AFF3: variants seen among roughly 807,000 people sequenced by gnomAD.
The protein encoded by AFF3 is AF4/FMR2 family member 3.
AFF3 carries 32 observed loss-of-function variants against 129.7 expected under a neutral mutation model. The observed-to-expected ratio is 0.25, with a 90% CI of 0.19 to 0.33. The LOEUF is 0.33. Ranked by LOEUF, AFF3 falls within the 10% of genes least tolerant of loss-of-function variation. The pLI is 1.00. For synonymous variants in AFF3, 644 were observed against 635.4 expected (o/e 1.01, Z -0.20); for missense variants, 1,373 against 1,592.0 (o/e 0.86, Z 2.34).
intron 11 of AFF3, among the ~76,000 whole-genome samples, chr2:99,690,434 GC>G (rs1405514766): frequency 2.6e-5 from 4 of 151,970 alleles, no homozygotes; most frequent in Non-Finnish European, 4.4e-5. Flanking sequence ...GCCCGCCTCG[GC>G]CTCCCAAAGT....
chr2:99,750,561 G>C (rs1369928080), intron 9 of AFF3, among the ~76,000 whole-genome samples: 1 of 151,928 alleles, frequency 6.6e-6, no homozygotes, highest in African/African-American at 2.4e-5. Flanking sequence ...GGGACTACAG[G>C]TGTGCCACCA....
chr2:99,669,994 G>A (rs1357004222), intron 12 of AFF3, among the ~76,000 whole-genome samples: 1 of 152,106 alleles, frequency 6.6e-6, no homozygotes, highest in East Asian at 1.9e-4. Context: ...GAAGATGATG[G>A]GTGACCTCAA....
At chr2:99,776,024 A>G (rs1683876688) in intron 8 of AFF3, among the ~76,000 whole-genome samples, 1 of 152,202 alleles carries the variant, frequency 6.6e-6, no homozygotes, top group South Asian at 2.1e-4. Context: ...CCAAGCTTCT[A>G]CAGTAGAACG....
intron 7 of AFF3, among the ~76,000 whole-genome samples, chr2:99,884,827 G>C (rs1033206927): frequency 1.3e-5 from 2 of 152,172 alleles, no homozygotes; most frequent in African/African-American, 4.8e-5. Context: ...ACACATTCTG[G>C]TGAGGGGGTG....
chr2:99,599,529 T>C (rs1679613961), intron 14 of AFF3, among the ~76,000 whole-genome samples: 1 of 152,200 alleles, frequency 6.6e-6, no homozygotes, highest in Non-Finnish European at 1.5e-5. Flanking sequence ...GTGCTGGGAT[T>C]ACAGGCATGA....
At chr2:100,048,265 T>C (rs192834863) in intron 4 of AFF3, among the ~76,000 whole-genome samples, 4 of 152,222 alleles carry the variant, frequency 2.6e-5, no homozygotes, top group African/African-American at 4.8e-5. Context: ...ATGTTAATTA[T>C]AGAGAATTTG....
intron 7 of AFF3, among the ~76,000 whole-genome samples, chr2:99,932,583 T>A (rs1322091903): frequency 1.3e-5 from 2 of 152,294 alleles, no homozygotes; most frequent in Non-Finnish European, 2.9e-5. Flanking sequence ...AGTGCTGACG[T>A]CCTTCGCTCA....
chr2:100,011,070 C>G (rs1382290146), intron 4 of AFF3, among the ~76,000 whole-genome samples: 1 of 152,090 alleles, frequency 6.6e-6, no homozygotes, highest in East Asian at 1.9e-4. Flanking sequence ...GTCAGGAGAT[C>G]GAGGCCATCC....
At chr2:99,629,888 C>T (rs1001686720) in intron 13 of AFF3, among the ~76,000 whole-genome samples, 1 of 152,130 alleles carries the variant, frequency 6.6e-6, no homozygotes, top group Non-Finnish European at 1.5e-5. Flanking sequence ...CTAATCACCC[C>T]CACCAAAGGC....
At chr2:100,047,034 C>T (rs1202154313) in intron 4 of AFF3, among the ~76,000 whole-genome samples, 1 of 151,918 alleles carries the variant, frequency 6.6e-6, no homozygotes, top group Non-Finnish European at 1.5e-5. Context: ...CTACACTTTC[C>T]ACTGTAACAG....
rs185340956 is a variant in AFF3 at position 99,752,076 on chromosome 2, C to T, written c.1002+145G>A. ...CCCCTTTCATAAATGAATAAGTATG[C>T]GCTTGCAAATTGTGAAGGATCAGAT... On this transcript the variant is annotated intron_variant, in intron 9 of 24. Coordinates refer to ENST00000672756, the MANE Select transcript of AFF3 (RefSeq NM_001386135.1). 248 of 659,836 alleles carry T rather than the reference C, an allele frequency of 3.8e-4. 3 individuals carry two copies. Among genetic ancestry groups the T allele is most frequent in the African/African-American group, 3.1e-3 (170 of 55,314 alleles). The allele number at this position is 659,836 out of a possible 1,614,324, so 40.9% of individuals were successfully genotyped here.
chr2:99,730,641 A>G (rs994319140), intron 10 of AFF3, among the ~76,000 whole-genome samples: 1 of 151,212 alleles, frequency 6.6e-6, no homozygotes, highest in African/African-American at 2.4e-5. Flanking sequence ...CAGCCTCCCG[A>G]GTAGCTGGGA....
At chr2:99,930,537 C>T (rs1696597397) in intron 7 of AFF3, among the ~76,000 whole-genome samples, 3 of 152,138 alleles carry the variant, frequency 2.0e-5, no homozygotes, top group Non-Finnish European at 1.5e-5. Flanking sequence ...CTTTCTTTTT[C>T]TCTCTCTCCT....
At chr2:99,697,632 T>A (rs935756237) in intron 11 of AFF3, among the ~76,000 whole-genome samples, 3 of 152,218 alleles carry the variant, frequency 2.0e-5, no homozygotes, top group African/African-American at 7.2e-5. Flanking sequence ...GGAAAATAGA[T>A]CCTGGTAAGG....
At chr2:100,038,175 A>T (rs901405622) in intron 4 of AFF3, among the ~76,000 whole-genome samples, 3 of 152,034 alleles carry the variant, frequency 2.0e-5, no homozygotes, top group Non-Finnish European at 2.9e-5. Context: ...AAGGATCTGC[A>T]GGAGACGCCC....
intron 4 of AFF3, among the ~76,000 whole-genome samples, chr2:100,022,173 C>T (rs1359419560): frequency 6.6e-6 from 1 of 152,122 alleles, no homozygotes; most frequent in Non-Finnish European, 1.5e-5. Context: ...AGGGGTCTTC[C>T]TATAGCTGTG....
At chr2:99,958,370 G>GT (rs1198585921) in intron 7 of AFF3, among the ~76,000 whole-genome samples, 2 of 151,684 alleles carry the variant, frequency 1.3e-5, no homozygotes, top group African/African-American at 4.8e-5. Flanking sequence ...GCACACACCT[G>GT]TAATTTCAGC....
intron 4 of AFF3, among the ~76,000 whole-genome samples, chr2:100,033,334 T>C (rs1162429163): frequency 6.6e-6 from 1 of 152,154 alleles, no homozygotes; most frequent in Non-Finnish European, 1.5e-5. Context: ...AAGAGAAAGA[T>C]TTGAGATTAA....
intron 7 of AFF3, among the ~76,000 whole-genome samples, chr2:99,861,946 T>C (rs1490050607): frequency 6.6e-6 from 1 of 152,194 alleles, no homozygotes; most frequent in Non-Finnish European, 1.5e-5. Context: ...TTTTCTTGTT[T>C]ACACTCCCCA....
Sources: gnomAD v4.1 joint callset for allele counts (sites outside exome capture counted in the v4.1 genomes callset) on GRCh38, gnomAD v4.1.1 for gene constraint, MANE v1.5 for transcripts, NCBI Gene and HGNC (gene_info 2026-07-23, HGNC 2026-07-21) for gene names.